CYP39A1: variants seen among roughly 807,000 people sequenced by gnomAD.
CYP39A1 encodes the protein 24-hydroxycholesterol 7-alpha-hydroxylase.
CYP39A1 carries 49 observed loss-of-function variants against 58.1 expected under a neutral mutation model. The ratio of observed to expected loss-of-function variants is 0.84; its 90% CI spans 0.67 to 1.07. The LOEUF is 1.07. CYP39A1 is among the 50% of genes least tolerant of loss of function. CYP39A1 has a pLI of 0.00. For synonymous variants in CYP39A1, 209 were observed against 187.6 expected, an observed-to-expected ratio of 1.11 and a Z score of -0.93; for missense variants, 531 against 539.4, an observed-to-expected ratio of 0.98 and a Z score of 0.16.
intron 6 of CYP39A1, among the ~76,000 whole-genome samples, chr6:46,627,214 A>C (rs185034243): frequency 6.6e-6 from 1 of 152,238 alleles, no homozygotes; most frequent in East Asian, 1.9e-4. Context: ...CTCCCTTTAC[A>C]TGTGGGGATT....
intron 6 of CYP39A1, among the ~76,000 whole-genome samples, chr6:46,629,736 C>T (rs1476135641): frequency 1.3e-5 from 2 of 152,180 alleles, no homozygotes; most frequent in African/African-American, 4.8e-5. Flanking sequence ...AAAATGCCCA[C>T]ACATATCATC....
chr6:46,602,657 A>C (rs987324441), intron 7 of CYP39A1, among the ~76,000 whole-genome samples: 8 of 149,482 alleles, frequency 5.4e-5, no homozygotes, highest in African/African-American at 2.0e-4. Context: ...TACTAAAAAT[A>C]CAAAATCAGC....
intron 10 of CYP39A1, among the ~76,000 whole-genome samples, chr6:46,560,760 G>A (rs1237364148): frequency 1.5e-5 from 2 of 136,848 alleles, no homozygotes; most frequent in Non-Finnish European, 3.0e-5. Context: ...CTTACAGAGT[G>A]AGTTAAATAA....
At chr6:46,572,974 T>C (rs920307376) in intron 10 of CYP39A1, among the ~76,000 whole-genome samples, 3 of 152,052 alleles carry the variant, frequency 2.0e-5, no homozygotes, top group African/African-American at 7.2e-5. Context: ...GTTGATTCAC[T>C]GTATTTTTCA....
At chr6:46,640,138 G>A (rs920395258) in intron 2 of CYP39A1, among the ~76,000 whole-genome samples, 4 of 152,046 alleles carry the variant, frequency 2.6e-5, no homozygotes, top group South Asian at 2.1e-4. Context: ...AAGATTCAAC[G>A]TATTCTGTGA....
At chr6:46,572,666 G>A (rs1007120056) in intron 10 of CYP39A1, among the ~76,000 whole-genome samples, 1 of 152,086 alleles carries the variant, frequency 6.6e-6, no homozygotes, top group African/African-American at 2.4e-5. Flanking sequence ...GAACATGTTT[G>A]GAGACATTTG....
intron 10 of CYP39A1, among the ~76,000 whole-genome samples, chr6:46,563,113 G>T (rs61498198): frequency 0.081 from 11,887 of 146,494 alleles, 797 homozygotes; most frequent in Admixed American, 0.18. Context: ...TCTTTACAGT[G>T]GCAAAAAAAA....
At chr6:46,574,703 G>A (rs1771761913) in intron 10 of CYP39A1, among the ~76,000 whole-genome samples, 1 of 152,052 alleles carries the variant, frequency 6.6e-6, no homozygotes, top group South Asian at 2.1e-4. Flanking sequence ...TCCTGCCCAG[G>A]TATTCTGTGC....
intron 2 of CYP39A1, among the ~76,000 whole-genome samples, chr6:46,641,220 G>A (rs867475736): frequency 7.9e-5 from 12 of 151,926 alleles, no homozygotes; most frequent in Admixed American, 2.0e-4. Flanking sequence ...GAAGGGATAC[G>A]CGACTCTACA....
chr6:46,606,104 A>G (rs747318463), intron 7 of CYP39A1, among the ~76,000 whole-genome samples: 2 of 152,010 alleles, frequency 1.3e-5, no homozygotes, highest in Non-Finnish European at 2.9e-5. Flanking sequence ...GAAGTTCTTG[A>G]CCTCCTTCAG....
chr6:46,581,419 A>AAAAAAT (rs1554155960), intron 10 of CYP39A1, among the ~76,000 whole-genome samples: 1 of 151,770 alleles, frequency 6.6e-6, no homozygotes, highest in African/African-American at 2.4e-5. Flanking sequence ...AAAAAAAAAA[A>AAAAAAT]AGAGAGAGAC....
intron 10 of CYP39A1, among the ~76,000 whole-genome samples, chr6:46,581,669 G>T (rs1044201890): frequency 3.9e-5 from 6 of 152,020 alleles, no homozygotes; most frequent in African/African-American, 7.2e-5. Flanking sequence ...TGGGAGGGGG[G>T]TGAGGCACTG....
intron 10 of CYP39A1, among the ~76,000 whole-genome samples, chr6:46,556,878 C>T (rs1411163516): frequency 1.3e-5 from 2 of 151,944 alleles, no homozygotes; most frequent in African/African-American, 4.8e-5. Flanking sequence ...AGAAAAATGA[C>T]CTCAATCCAA....
chr6:46,622,483 C>T (rs943968282), intron 7 of CYP39A1, among the ~76,000 whole-genome samples: 3 of 152,050 alleles, frequency 2.0e-5, no homozygotes, highest in African/African-American at 7.2e-5. Flanking sequence ...TATGCTGGCA[C>T]ACACTTGTGG....
At chr6:46,643,162 A>G (rs980666789) in intron 1 of CYP39A1, among the ~76,000 whole-genome samples, 22 of 152,196 alleles carry the variant, frequency 1.4e-4, no homozygotes, top group Admixed American at 3.9e-4. Flanking sequence ...GGGAAAAAAA[A>G]GTCATCATTT....
chr6:46,587,533 T>A (rs544928578), intron 9 of CYP39A1, among the ~76,000 whole-genome samples: 1 of 152,148 alleles, frequency 6.6e-6, no homozygotes, highest in African/African-American at 2.4e-5. Flanking sequence ...TAGAAAAAGC[T>A]TGGGATGCAG....
At chr6:46,583,164 T>C (rs1406443393) in intron 10 of CYP39A1, 3 of 985,284 alleles carry the variant, frequency 3.0e-6, no homozygotes, top group African/African-American at 3.5e-5. Context: ...TTCTCAAGTA[T>C]TGCAGCCTTC....
chr6:46,612,504 T>C (rs1005454088), intron 7 of CYP39A1, among the ~76,000 whole-genome samples: 8 of 152,188 alleles, frequency 5.3e-5, no homozygotes, highest in African/African-American at 1.7e-4. Flanking sequence ...GTCTTCAAGG[T>C]TGATAAATGA....
At chr6:46,629,881 A>G (rs969171715) in intron 6 of CYP39A1, among the ~76,000 whole-genome samples, 1 of 151,654 alleles carries the variant, frequency 6.6e-6, no homozygotes, top group Non-Finnish European at 1.5e-5. Flanking sequence ...GGCACTGAAC[A>G]TGACGTGACA....
Sources: gnomAD v4.1 joint callset for allele counts (sites outside exome capture counted in the v4.1 genomes callset) on GRCh38, gnomAD v4.1.1 for gene constraint, MANE v1.5 for transcripts, NCBI Gene and HGNC (gene_info 2026-07-23, HGNC 2026-07-21) for gene names.